GREB1: variants seen among roughly 807,000 people sequenced by gnomAD.
GREB1 encodes the protein growth regulating estrogen receptor binding 1, also known as protein GREB1.
GREB1 carries 106 observed loss-of-function variants against 200.7 expected under a neutral mutation model. The observed-to-expected ratio is 0.53, with a 90% CI of 0.45 to 0.62. The LOEUF (loss-of-function observed/expected upper bound fraction) is 0.62. Among genes scored for constraint, GREB1 ranks in the 20% least tolerant of loss-of-function variants. The pLI is 0.00. For missense variants in GREB1, 2,243 were observed against 2,556.8 expected, an observed-to-expected ratio of 0.88 and a Z score of 2.65; for synonymous variants, 1,132 against 1,092.4, an observed-to-expected ratio of 1.04 and a Z score of -0.72.
chr2:11,615,336 T>C, intron 20 of GREB1, 46 bp downstream of exon 20: 1 of 1,488,260 alleles, frequency 6.7e-7, no homozygotes. Context: ...TCTGCATGTC[T>C]TTCTTGGCTT....
In GREB1 at chr2:11,610,895, C is replaced by G; in HGVS notation, c.2874C>G (p.Pro958=). ...LMVLLRVPCS[P]LAVVAYERLA... is the part of the protein sequence containing the mutation. ...TCCTGCTGCGGGTGCCCTGTTCGCC[C>G]CTGGCGGTGGTGGCCTATGAGCGGC... The change falls in exon 18 of 33, where the codon CCC becomes CCG. Residue 958 remains proline (P), a synonymous_variant. Transcript: ENST00000381486. 6.2e-7 allele frequency: 1 copy of G among 1,613,040 alleles called. No individual in the cohort carries two copies. The highest frequency in any genetic ancestry group is 8.5e-7 in the Non-Finnish European group (1 of 1,179,792).
intron 1 of GREB1, among the ~76,000 whole-genome samples, chr2:11,517,143 C>T (rs1184000083): frequency 6.6e-6 from 1 of 152,172 alleles, no homozygotes; most frequent in South Asian, 2.1e-4. Flanking sequence ...GGGGTCATGT[C>T]CTGTGGACCC....
chr2:11,491,785 A>G (rs1202310418), intron 1 of GREB1, among the ~76,000 whole-genome samples: 3 of 152,170 alleles, frequency 2.0e-5, no homozygotes, highest in Non-Finnish European at 4.4e-5. Context: ...TTCTAGTTCC[A>G]GGCCCAGCAG....
At chr2:11,608,163 G>A (rs956181682) in intron 17 of GREB1, among the ~76,000 whole-genome samples, 10 of 152,284 alleles carry the variant, frequency 6.6e-5, no homozygotes, top group African/African-American at 2.4e-4. Flanking sequence ...CACATACAAA[G>A]ATCATAGCTC....
rs192795966 is a variant in GREB1 at position 11,488,657 on chromosome 2, G to T, written c.-159+6276G>T. Reference sequence around the variant, plus strand: ...AATGTAAAAATTAGCTGAGTGTAGTGGTGGGCGCCTGTAATCCCAGCTCCT... The same window carrying T: ...AATGTAAAAATTAGCTGAGTGTAGTTGTGGGCGCCTGTAATCCCAGCTCCT... On this transcript the variant is annotated intron_variant, in intron 1 of 2. Coordinates refer to the GREB1 transcript ENST00000628795. Among the ~76,000 whole-genome samples the T allele has an allele frequency of 2.4e-3, 353 of 150,036 alleles. 3 individuals carry two copies. Among genetic ancestry groups the T allele is most frequent in the African/African-American group, 8.3e-3 (340 of 40,764 alleles).
intron 16 of GREB1, among the ~76,000 whole-genome samples, chr2:11,601,351 C>T (rs867692447): frequency 5.3e-5 from 8 of 152,176 alleles, no homozygotes; most frequent in African/African-American, 1.9e-4. Context: ...CAGAGCAACG[C>T]TTAATGTCTC....
intron 21 of GREB1, among the ~76,000 whole-genome samples, chr2:11,617,316 A>C (rs1683500710): frequency 6.6e-6 from 1 of 152,224 alleles, no homozygotes; most frequent in South Asian, 2.1e-4. Flanking sequence ...GCCCCGGGCA[A>C]GTCAGGGGCC....
chr2:11,589,022 G>T lies in GREB1; in HGVS notation c.1345+91G>T, dbSNP rs1454900622. 4 of 987,240 alleles carry T rather than the reference G, an allele frequency of 4.1e-6. No individual in the cohort carries two copies. In the East Asian group the frequency reaches 9.9e-5, roughly 24 times the overall value. 61.2% of individuals were successfully genotyped at this position (987,240 alleles called of 1,614,324 possible). On this transcript the variant is annotated intron_variant, in intron 10 of 32. Transcript: ENST00000381486. ...TCGGCCCTCGTGGGGGCTGACTTGGGCTGCTGGAATTGAAATACATGGGGA... is the reference window on the plus strand; with the variant it reads ...TCGGCCCTCGTGGGGGCTGACTTGGTCTGCTGGAATTGAAATACATGGGGA...
intron 10 of GREB1, chr2:11,592,061 C>T (rs1239929809): frequency 3.1e-6 from 3 of 974,514 alleles, no homozygotes; most frequent in East Asian, 2.2e-4. Context: ...ACATTTACCA[C>T]TGTATATGCA....
At chr2:11,483,733 TGG>T (rs1672574917) in intron 1 of GREB1, among the ~76,000 whole-genome samples, 1 of 136,630 alleles carries the variant, frequency 7.3e-6, no homozygotes, top group East Asian at 2.2e-4. Flanking sequence ...TGTGTGTGTG[TGG>T]CCCGGCCACC....
chr2:11,508,974 A>G (rs1255680443), intron 1 of GREB1, among the ~76,000 whole-genome samples: 1 of 147,922 alleles, frequency 6.8e-6, no homozygotes, highest in Non-Finnish European at 1.5e-5. Context: ...TCCCGGGTTC[A>G]CGCCATTCTC....
At chr2:11,618,200 GACTCCTGGGACAGGTC>G (rs1366963672) in intron 21 of GREB1, 72 bp from the exon 22 acceptor site, 1 of 876,686 alleles carries the variant, frequency 1.1e-6, no homozygotes, top group Non-Finnish European at 1.6e-6. Flanking sequence ...TGGGATGGGT[GACTCCTGGGACAGGTC>G]ACTCCTGGGA....
chr2:11,565,683 T>C (rs1358351491), intron 3 of GREB1, among the ~76,000 whole-genome samples: 1 of 152,184 alleles, frequency 6.6e-6, no homozygotes, highest in Non-Finnish European at 1.5e-5. Context: ...CGCAAAAGGT[T>C]CTGAAGGGCA....
intron 1 of GREB1, among the ~76,000 whole-genome samples, chr2:11,484,009 C>T (rs904269108): frequency 1.3e-5 from 2 of 152,106 alleles, no homozygotes; most frequent in African/African-American, 4.8e-5. Context: ...CCAGTGAAAG[C>T]ACTTTAATTT....
chr2:11,554,255 C>T (rs1676220562), intron 1 of GREB1, among the ~76,000 whole-genome samples: 1 of 152,144 alleles, frequency 6.6e-6, no homozygotes, highest in Admixed American at 6.5e-5. Context: ...TTTCCCCAGG[C>T]TATAAGCAGA....
chr2:11,600,862 T>A lies in GREB1; in HGVS notation c.2396T>A (p.Leu799His), dbSNP rs1447412514. Residue 799 changes from leucine to histidine, a missense_variant, in exon 16 of 33, where the codon CTC (leucine) becomes CAC (histidine). By Grantham distance (99) the Leu-to-His change is moderately conservative. Coordinates refer to ENST00000381486, the MANE Select transcript of GREB1 (RefSeq NM_014668.4). The stretch of plus-strand genomic sequence containing the variant: ...TCGGTGGGATTGGTGGACCGATTGC[T>A]CAACTGCAGGGAGGTGAAGGAGGCC... ...DPSVGLVDRL[L>H]NCREVKEAPN... 5.0e-6 allele frequency: 8 copies of A among 1,614,042 alleles called. No individual in the cohort carries two copies. The highest frequency in any genetic ancestry group is 6.8e-6 in the Non-Finnish European group (8 of 1,180,030).
chr2:11,598,563 C>T (rs1304218138), intron 14 of GREB1, 117 bp from the exon 15 acceptor site: 3 of 869,738 alleles, frequency 3.4e-6, no homozygotes, highest in Non-Finnish European at 5.5e-6. Flanking sequence ...CCTGCTCTTG[C>T]ATCTCTGAGT....
chr2:11,512,207 C>T (rs563226912), intron 1 of GREB1, among the ~76,000 whole-genome samples: 4 of 152,334 alleles, frequency 2.6e-5, no homozygotes, highest in East Asian at 1.9e-4. Flanking sequence ...CCTCTAGCAA[C>T]GCTGTCTTCA....
chr2:11,606,947 T>TA, intron 17 of GREB1, among the ~76,000 whole-genome samples: 1 of 152,028 alleles, frequency 6.6e-6, no homozygotes, highest in South Asian at 2.1e-4. Context: ...CACGCCCAGC[T>TA]AATTTTTGTA....
Sources: gnomAD v4.1 joint callset for allele counts (sites outside exome capture counted in the v4.1 genomes callset) on GRCh38, gnomAD v4.1.1 for gene constraint, MANE v1.5 for transcripts, NCBI Gene and HGNC (gene_info 2026-07-23, HGNC 2026-07-21) for gene names.